The following KHDRBS2 variants were observed in gnomAD, a reference collection of about 807,000 sequenced individuals.
KHDRBS2 encodes KH RNA binding domain containing, signal transduction associated 2.
KHDRBS2 carries 26 observed loss-of-function variants against 44.3 expected under a neutral mutation model. The ratio of observed to expected loss-of-function variants is 0.59; its 90% CI spans 0.43 to 0.81. The LOEUF (loss-of-function observed/expected upper bound fraction) is 0.81. Ranked by LOEUF, KHDRBS2 falls within the 40% of genes least tolerant of loss-of-function variation. The pLI is 0.00. For missense variants in KHDRBS2, 476 were observed against 433.1 expected (o/e 1.10, Z -0.88); for synonymous variants, 194 against 151.1 (o/e 1.28, Z -2.08).
chr6:62,091,435 C>T (rs547243351), intron 2 of KHDRBS2, among the ~76,000 whole-genome samples: 15 of 152,148 alleles, frequency 9.9e-5, no homozygotes, highest in African/African-American at 3.1e-4. Flanking sequence ...AATCCCTTGG[C>T]GTTTAATAGA....
intron 4 of KHDRBS2, among the ~76,000 whole-genome samples, chr6:61,924,089 C>A (rs1488119783): frequency 6.6e-6 from 1 of 151,992 alleles, no homozygotes; most frequent in Non-Finnish European, 1.5e-5. Flanking sequence ...CTGGCAACAA[C>A]ATTAAAGACT....
intron 2 of KHDRBS2, among the ~76,000 whole-genome samples, chr6:62,142,080 T>A (rs1013502993): frequency 1.3e-5 from 2 of 152,060 alleles, no homozygotes; most frequent in African/African-American, 4.8e-5. Flanking sequence ...AACTCTATGC[T>A]TTTCTTCTGA....
chr6:61,718,671 G>A (rs531458507), intron 7 of KHDRBS2, among the ~76,000 whole-genome samples: 2 of 152,156 alleles, frequency 1.3e-5, no homozygotes, highest in East Asian at 3.9e-4. Context: ...TCCTCCTGTA[G>A]GATGGCCGTG....
chr6:62,068,429 T>C (rs753710613), intron 2 of KHDRBS2, among the ~76,000 whole-genome samples: 12 of 151,584 alleles, frequency 7.9e-5, no homozygotes, highest in Non-Finnish European at 1.3e-4. Flanking sequence ...AGATACATGA[T>C]TTGCTAATAT....
Position 62,159,930 on chromosome 6 carries a change from G to T in KHDRBS2, c.219+17255C>A, listed in dbSNP as rs534225848. Among the ~76,000 whole-genome samples, 10 of 152,160 alleles carry T rather than the reference G, an allele frequency of 6.6e-5. No individual in the cohort carries two copies. In the East Asian group the frequency reaches 1.9e-3, roughly 29 times the overall value. On this transcript the variant is annotated intron_variant, in intron 2 of 8. Transcript: ENST00000281156. ...GGTGGAGTTGATCTTGCAGTCTTAG[G>T]GGTGGCAGAGGTGAAAGAAAATCCA...
chr6:61,923,990 G>T (rs977432429), intron 4 of KHDRBS2, among the ~76,000 whole-genome samples: 2 of 151,910 alleles, frequency 1.3e-5, no homozygotes, highest in Non-Finnish European at 2.9e-5. Flanking sequence ...AGAAAAAATT[G>T]TATTTTATTT....
intron 4 of KHDRBS2, among the ~76,000 whole-genome samples, chr6:61,957,501 C>CT (rs1767646932): frequency 6.9e-6 from 1 of 144,600 alleles, no homozygotes; most frequent in African/African-American, 2.7e-5. Flanking sequence ...TCTAAAATGG[C>CT]TGCTTTGGGG....
the KHDRBS2 span, among the ~76,000 whole-genome samples, chr6:61,565,147 C>T: frequency 2.9e-4 from 44 of 152,160 alleles, no homozygotes; most frequent in African/African-American, 9.1e-4. Flanking sequence ...CCCTATGTCT[C>T]ACCGTATACA....
rs150189842 is a variant in KHDRBS2 at position 62,024,867 on chromosome 6, T to C, written c.336+23011A>G. 1.4e-3 allele frequency among the ~76,000 whole-genome samples: 209 copies of C among 151,750 alleles called. 1 individual carries two copies. Among genetic ancestry groups the C allele is most frequent in the African/African-American group, 4.8e-3 (199 of 41,542 alleles). On this transcript the variant is annotated intron_variant, in intron 3 of 8. Coordinates refer to ENST00000281156, the MANE Select transcript of KHDRBS2 (RefSeq NM_152688.4). ...ACCTATTAAAGTATATTAAAAGTAT[T>C]TATCATGGTCCTCATGAGTAACAAT...
In KHDRBS2 at chr6:61,686,501, A is replaced by G. The variant is rs138603594; in HGVS notation, c.953-5441T>C. Among the ~76,000 whole-genome samples, 531 of 151,824 alleles carry G rather than the reference A, an allele frequency of 3.5e-3. 2 individuals carry two copies. Among genetic ancestry groups the G allele is most frequent in the Non-Finnish European group, 4.9e-3 (331 of 67,816 alleles). On this transcript the variant is annotated intron_variant, in intron 8 of 8. Transcript: ENST00000281156. Reference sequence around the variant, plus strand: ...AATATGTTAGGTTAGATGTTTTGCTATTGTTGCAACTCACTATTATGATAG... The same window carrying G: ...AATATGTTAGGTTAGATGTTTTGCTGTTGTTGCAACTCACTATTATGATAG...
chr6:61,951,006 G>A (rs12199199), intron 4 of KHDRBS2, among the ~76,000 whole-genome samples: 52,018 of 151,762 alleles, frequency 0.34, 9,083 homozygotes, highest in Middle Eastern at 0.41. Flanking sequence ...TTCCTTCCAG[G>A]GAAGCATGAG....
intron 1 of KHDRBS2, among the ~76,000 whole-genome samples, chr6:62,257,964 A>C (rs896067755): frequency 6.6e-5 from 10 of 152,012 alleles, no homozygotes; most frequent in African/African-American, 2.2e-4. Context: ...ATAGAAATTG[A>C]GTATCCCTAA....
At chr6:61,686,412 T>G (rs1464973238) in intron 8 of KHDRBS2, among the ~76,000 whole-genome samples, 1 of 151,776 alleles carries the variant, frequency 6.6e-6, no homozygotes, top group African/African-American at 2.4e-5. Flanking sequence ...CTAAGGAGTA[T>G]TATTCTATTT....
intron 6 of KHDRBS2, among the ~76,000 whole-genome samples, chr6:61,841,023 T>A (rs148891577): frequency 6.6e-6 from 1 of 152,292 alleles, no homozygotes; most frequent in Non-Finnish European, 1.5e-5. Flanking sequence ...CCCTAATTTG[T>A]AGTCTATAGT....
At chr6:61,893,387 T>G (rs1409328696) in intron 6 of KHDRBS2, among the ~76,000 whole-genome samples, 7 of 152,166 alleles carry the variant, frequency 4.6e-5, no homozygotes, top group South Asian at 2.1e-4. Flanking sequence ...GACCCAGCCA[T>G]CCCATTACTG....
intron 6 of KHDRBS2, among the ~76,000 whole-genome samples, chr6:61,798,251 T>TACAAACATA: frequency 6.6e-6 from 1 of 152,134 alleles, no homozygotes; most frequent in African/African-American, 2.4e-5. Context: ...AGTCTATGTT[T>TACAAACATA]GTAGTTCATT....
intron 3 of KHDRBS2, among the ~76,000 whole-genome samples, chr6:62,024,816 G>T (rs1001709014): frequency 7.9e-5 from 12 of 151,234 alleles, no homozygotes; most frequent in African/African-American, 2.9e-4. Context: ...CTCTATTATA[G>T]CATTACAGGA....
the KHDRBS2 span, among the ~76,000 whole-genome samples, chr6:61,573,765 G>A: frequency 3.6e-4 from 54 of 150,478 alleles, no homozygotes; most frequent in African/African-American, 1.3e-3. Flanking sequence ...CTCCAGCCTG[G>A]GCAACAAGAG....
At chr6:62,051,275 AAAAC>A (rs1351671852) in intron 2 of KHDRBS2, among the ~76,000 whole-genome samples, 18 of 152,216 alleles carry the variant, frequency 1.2e-4, no homozygotes, top group Middle Eastern at 3.4e-3. Flanking sequence ...GAGAATGTGA[AAAAC>A]AAAATGAAAG....
Sources: gnomAD v4.1 joint callset for allele counts (sites outside exome capture counted in the v4.1 genomes callset) on GRCh38, gnomAD v4.1.1 for gene constraint, MANE v1.5 for transcripts, NCBI Gene and HGNC (gene_info 2026-07-23, HGNC 2026-07-21) for gene names.